The following SMYD3 variants were observed in gnomAD, a reference collection of about 807,000 sequenced individuals.
SMYD3 encodes the protein histone-lysine N-methyltransferase SMYD3.
In SMYD3, 36 loss-of-function variants were observed where a neutral mutation model predicts 57.7. The observed-to-expected ratio is 0.62, with a 90% CI of 0.48 to 0.82. The LOEUF is 0.82. SMYD3 is among the 40% of genes least tolerant of loss of function. SMYD3 has a pLI of 0.00. For synonymous variants in SMYD3, 211 were observed against 195.0 expected (o/e 1.08, Z -0.68); for missense variants, 515 against 538.8 (o/e 0.96, Z 0.44).
chr1:246,224,939 G>T (rs1162827932), intron 5 of SMYD3, among the ~76,000 whole-genome samples: 2 of 152,004 alleles, frequency 1.3e-5, no homozygotes, highest in African/African-American at 4.8e-5. Context: ...TTCTGCTCTG[G>T]CTATGTTGAG....
intron 5 of SMYD3, among the ~76,000 whole-genome samples, chr1:246,110,110 C>T (rs1234778842): frequency 2.0e-5 from 3 of 152,182 alleles, no homozygotes; most frequent in African/African-American, 7.2e-5. Context: ...GTGAAACTCT[C>T]GGAAGTGGCA....
chr1:245,848,504 G>A (rs1465742516), intron 10 of SMYD3, among the ~76,000 whole-genome samples: 1 of 152,082 alleles, frequency 6.6e-6, no homozygotes, highest in Non-Finnish European at 1.5e-5. Flanking sequence ...GAACTCCTGG[G>A]CTCGAGGGAT....
intron 1 of SMYD3, among the ~76,000 whole-genome samples, chr1:246,475,015 G>A (rs952256028): frequency 6.6e-5 from 10 of 152,028 alleles, no homozygotes; most frequent in East Asian, 1.9e-4. Context: ...GATTTGTGGC[G>A]CATTAAAAAG....
chr1:246,408,643 T>C (rs1021688174), intron 1 of SMYD3, among the ~76,000 whole-genome samples: 4 of 147,142 alleles, frequency 2.7e-5, no homozygotes, highest in Non-Finnish European at 6.0e-5. Context: ...CCCATCCTAA[T>C]CCCTATCTCA....
intron 3 of SMYD3, among the ~76,000 whole-genome samples, chr1:246,332,326 G>A (rs142026332): frequency 6.6e-6 from 1 of 152,184 alleles, no homozygotes; most frequent in Admixed American, 6.5e-5. Flanking sequence ...AAGTCTGAGT[G>A]GCCTGGATAT....
chr1:245,935,658 C>A (rs1558511238), intron 5 of SMYD3, among the ~76,000 whole-genome samples: 1 of 152,018 alleles, frequency 6.6e-6, no homozygotes, highest in African/African-American at 2.4e-5. Context: ...ACAAATGGAT[C>A]AAGAAAATGT....
intron 10 of SMYD3, among the ~76,000 whole-genome samples, chr1:245,769,689 A>T (rs2046261754): frequency 6.6e-6 from 1 of 152,240 alleles, no homozygotes; most frequent in African/African-American, 2.4e-5. Flanking sequence ...TTGCGCATGG[A>T]AGAAAAAATG....
At chr1:245,806,537 G>T (rs2048150703) in intron 10 of SMYD3, among the ~76,000 whole-genome samples, 1 of 152,112 alleles carries the variant, frequency 6.6e-6, no homozygotes, top group African/African-American at 2.4e-5. Context: ...ATGCTATATT[G>T]CAGGAACTTG....
intron 1 of SMYD3, among the ~76,000 whole-genome samples, chr1:246,410,562 A>G (rs1468211177): frequency 6.6e-6 from 1 of 152,128 alleles, no homozygotes; most frequent in Non-Finnish European, 1.5e-5. Flanking sequence ...GTATTGCTGG[A>G]TTCAGTTTGC....
chr1:246,199,068 C>A (rs1177097812), intron 5 of SMYD3, among the ~76,000 whole-genome samples: 1 of 152,076 alleles, frequency 6.6e-6, no homozygotes, highest in South Asian at 2.1e-4. Flanking sequence ...GACTCCATCA[C>A]CCAGGGGGTG....
chr1:246,191,808 C>T (rs1213632429), intron 5 of SMYD3, among the ~76,000 whole-genome samples: 2 of 152,176 alleles, frequency 1.3e-5, no homozygotes, highest in African/African-American at 2.4e-5. Context: ...AATATGATAA[C>T]ACAGTCATTC....
chr1:246,027,082 C>T (rs533039382), intron 5 of SMYD3, among the ~76,000 whole-genome samples: 1 of 152,272 alleles, frequency 6.6e-6, no homozygotes, highest in East Asian at 1.9e-4. Context: ...CACAATATTC[C>T]CTTAAGCCAA....
rs183990864 is a variant in SMYD3 at position 245,793,234 on chromosome 1, A to G, written c.1077-29085T>C. ...TGAGGCAGGAGAATCGCTTGAACCCAGGAGACGGAGCTTGAAGTGAGCCGA... is the reference window on the plus strand; with the variant it reads ...TGAGGCAGGAGAATCGCTTGAACCCGGGAGACGGAGCTTGAAGTGAGCCGA... On this transcript the variant is annotated intron_variant, in intron 10 of 11. Transcript: ENST00000490107. Among the ~76,000 whole-genome samples, 904 of 151,880 alleles carry G rather than the reference A, an allele frequency of 6.0e-3. 12 individuals carry two copies. The highest frequency in any genetic ancestry group is 6.9e-3 in the Non-Finnish European group (468 of 67,920).
Position 246,255,963 on chromosome 1 carries a change from T to C in SMYD3, c.531+71238A>G, listed in dbSNP as rs1334141269. Among the ~76,000 whole-genome samples the C allele has an allele frequency of 9.9e-5, 15 of 151,364 alleles. 1 individual carries two copies. Among genetic ancestry groups the C allele is most frequent in the African/African-American group, 3.2e-4 (13 of 41,064 alleles). On this transcript the variant is annotated intron_variant, in intron 5 of 11. Coordinates refer to ENST00000490107, the MANE Select transcript of SMYD3 (RefSeq NM_001167740.2). Reference sequence around the variant, plus strand: ...ATAGATAGATAGATAGATAGATAGATAGATAGATAGATAGATAGATAGATA... The same window carrying C: ...ATAGATAGATAGATAGATAGATAGACAGATAGATAGATAGATAGATAGATA...
rs1316016200 is a variant in SMYD3, at chr1:246,300,978, T to C, written c.531+26223A>G. Among the ~76,000 whole-genome samples, 4 of 152,274 alleles carry C rather than the reference T, an allele frequency of 2.6e-5. No homozygotes were observed. In the South Asian group the frequency reaches 8.3e-4, roughly 32 times the overall value. Reference sequence around the variant, plus strand: ...CCCAGCCTGTCAGTGAAGTTCATTTTCTTTCTAGAATAATGCTACCCGTCC... The same window carrying C: ...CCCAGCCTGTCAGTGAAGTTCATTTCCTTTCTAGAATAATGCTACCCGTCC... On this transcript the variant is annotated intron_variant, in intron 5 of 11. Transcript: ENST00000490107.
rs2065285152 is a variant in SMYD3, at chr1:246,323,524, G to A, written c.531+3677C>T. 2.6e-5 allele frequency among the ~76,000 whole-genome samples: 4 copies of A among 152,280 alleles called. No individual in the cohort carries two copies. In the South Asian group the frequency reaches 8.3e-4, roughly 32 times the overall value. On this transcript the variant is annotated intron_variant, in intron 5 of 11. Coordinates refer to ENST00000490107, the MANE Select transcript of SMYD3 (RefSeq NM_001167740.2). ...CCAACTTTTCAGGCAATAATCATGA[G>A]CTTCCATTAGAAAAAGCCATCAGCT...
intron 5 of SMYD3, among the ~76,000 whole-genome samples, chr1:245,962,895 A>C (rs936759034): frequency 1.3e-5 from 2 of 152,230 alleles, no homozygotes; most frequent in African/African-American, 2.4e-5. Flanking sequence ...ACTGTAAAAC[A>C]GTCAAGGGGA....
At chr1:246,126,229 G>A (rs948129391) in intron 5 of SMYD3, among the ~76,000 whole-genome samples, 12 of 152,142 alleles carry the variant, frequency 7.9e-5, no homozygotes, top group African/African-American at 2.9e-4. Context: ...GGGTACTAGG[G>A]ACCATTTTCA....
chr1:246,454,804 G>T (rs1328471380), intron 1 of SMYD3, among the ~76,000 whole-genome samples: 1 of 152,144 alleles, frequency 6.6e-6, no homozygotes, highest in Admixed American at 6.5e-5. Flanking sequence ...AACAGGACTG[G>T]ATGCAAGCTC....
Sources: allele counts gnomAD v4.1 joint callset (sites outside exome capture counted in the v4.1 genomes callset), GRCh38; gene constraint gnomAD v4.1.1; transcripts MANE v1.5; gene names NCBI Gene and HGNC (gene_info 2026-07-23, HGNC 2026-07-21).